Variants in ADAMTSL1 observed in about 807,000 individuals in gnomAD.
The protein encoded by ADAMTSL1 is ADAMTS like 1.
A neutral mutation model predicts 201.8 loss-of-function variants in ADAMTSL1; 126 were observed. That is an observed-to-expected ratio of 0.62 (90% CI 0.54 to 0.72). The LOEUF (loss-of-function observed/expected upper bound fraction) is 0.72, where lower values mean the gene tolerates loss of function less well. Among genes scored for constraint, ADAMTSL1 ranks in the 30% least tolerant of loss-of-function variants. The pLI is 0.00. For missense variants in ADAMTSL1, 2,679 were observed against 2,277.8 expected (o/e 1.18, Z -3.59); for synonymous variants, 1,121 against 903.4 (o/e 1.24, Z -4.32).
chr9:18,319,411 C>T (rs1184269707), intron 2 of ADAMTSL1, among the ~76,000 whole-genome samples: 1 of 152,116 alleles, frequency 6.6e-6, no homozygotes, highest in Admixed American at 6.5e-5. Flanking sequence ...TGTAATCATC[C>T]TGTTATTATC....
chr9:18,216,605 A>G lies in ADAMTSL1; in HGVS notation c.207+52624A>G, dbSNP rs149352759. On this transcript the variant is annotated intron_variant, in intron 2 of 29. Transcript: ENST00000680146. ...AGCCAGCATAAGCCAGCCCTTACAT[A>G]ACAGATTTGGGCACGCAGCAGTGAC... Among the ~76,000 whole-genome samples, 89 of 151,438 alleles carry G rather than the reference A, an allele frequency of 5.9e-4. No individual in the cohort carries two copies. The Middle Eastern group carries it at 0.018, about 30-fold the overall frequency.
chr9:18,533,430 T>A, intron 3 of ADAMTSL1, 138 bp downstream of exon 3: 1 of 519,218 alleles, frequency 1.9e-6, no homozygotes, highest in East Asian at 3.3e-5. Context: ...ACTGATTATA[T>A]GCAGGACTAA....
At chr9:18,277,010 G>A (rs1587451419) in intron 2 of ADAMTSL1, among the ~76,000 whole-genome samples, 1 of 152,120 alleles carries the variant, frequency 6.6e-6, no homozygotes, top group East Asian at 1.9e-4. Context: ...TGACCGATTG[G>A]CTATTCAAGA....
intron 2 of ADAMTSL1, among the ~76,000 whole-genome samples, chr9:18,243,555 T>C (rs928736589): frequency 6.6e-6 from 1 of 152,024 alleles, no homozygotes; most frequent in Non-Finnish European, 1.5e-5. Flanking sequence ...CTGCTTGCTT[T>C]GTTTTTGCTG....
At chr9:18,439,847 A>G (rs1819920648) in intron 2 of ADAMTSL1, among the ~76,000 whole-genome samples, 5 of 152,218 alleles carry the variant, frequency 3.3e-5, no homozygotes, top group Admixed American at 6.5e-5. Context: ...CGTTTGATAG[A>G]TGACAAAAGG....
intron 2 of ADAMTSL1, among the ~76,000 whole-genome samples, chr9:18,289,713 C>A (rs73643220): frequency 6.6e-6 from 1 of 152,094 alleles, no homozygotes. Context: ...TTTTCCTGAG[C>A]TCTTTCCTCA....
chr9:18,893,547 A>G (rs920564596), intron 26 of ADAMTSL1, among the ~76,000 whole-genome samples: 8 of 152,192 alleles, frequency 5.3e-5, no homozygotes, highest in African/African-American at 1.9e-4. Context: ...CTAATATGGT[A>G]GGTCTGAGGT....
chr9:18,678,355 T>C (rs777241695), intron 10 of ADAMTSL1, among the ~76,000 whole-genome samples: 4 of 152,178 alleles, frequency 2.6e-5, no homozygotes, highest in African/African-American at 7.2e-5. Context: ...CTCTCAGCTT[T>C]TGTTACGCTT....
chr9:18,576,452 G>C (rs1187588452), intron 4 of ADAMTSL1, among the ~76,000 whole-genome samples: 1 of 152,146 alleles, frequency 6.6e-6, no homozygotes, highest in African/African-American at 2.4e-5. Context: ...ATAGAAATTT[G>C]TCATTCATAT....
intron 2 of ADAMTSL1, among the ~76,000 whole-genome samples, chr9:18,510,367 A>G (rs564681725): frequency 1.1e-4 from 17 of 152,204 alleles, no homozygotes; most frequent in African/African-American, 4.1e-4. Flanking sequence ...TTCTAGAAAA[A>G]AATTCAATGG....
chr9:18,201,939 A>C (rs1342720317), intron 2 of ADAMTSL1, among the ~76,000 whole-genome samples: 1 of 152,170 alleles, frequency 6.6e-6, no homozygotes, highest in African/African-American at 2.4e-5. Flanking sequence ...ATCACCACTG[A>C]ATTTGGCCTT....
At chr9:18,016,339 G>A (rs1369361474) in intron 1 of ADAMTSL1, among the ~76,000 whole-genome samples, 1 of 152,020 alleles carries the variant, frequency 6.6e-6, no homozygotes, top group Non-Finnish European at 1.5e-5. Context: ...GGGTCAAGTG[G>A]CCCCTCTTCT....
chr9:18,525,627 G>C (rs780034105), intron 2 of ADAMTSL1, among the ~76,000 whole-genome samples: 3 of 152,180 alleles, frequency 2.0e-5, no homozygotes, highest in Non-Finnish European at 2.9e-5. Context: ...GTGTCCCAGA[G>C]ATTCTGGTAT....
chr9:18,356,579 T>G (rs986828856), intron 2 of ADAMTSL1, among the ~76,000 whole-genome samples: 2 of 141,000 alleles, frequency 1.4e-5, no homozygotes, highest in Non-Finnish European at 3.1e-5. Flanking sequence ...TAAAAAATTT[T>G]ATGCAGCTAC....
chr9:18,574,360 C>A, intron 4 of ADAMTSL1, 94 bp downstream of exon 4: 1 of 1,111,002 alleles, frequency 9.0e-7, no homozygotes, highest in Non-Finnish European at 1.4e-6. Context: ...AATCACTCAT[C>A]TTTACACTTT....
intron 2 of ADAMTSL1, among the ~76,000 whole-genome samples, chr9:18,307,220 A>G (rs1030242880): frequency 1.3e-5 from 2 of 152,210 alleles, no homozygotes; most frequent in East Asian, 3.9e-4. Context: ...GAAAAAAAAT[A>G]GTACCAGCCA....
chr9:18,134,450 T>G (rs1051113404), intron 1 of ADAMTSL1, among the ~76,000 whole-genome samples: 3 of 152,166 alleles, frequency 2.0e-5, no homozygotes, highest in Admixed American at 1.3e-4. Flanking sequence ...GAGACTGACT[T>G]AGCTACAAGA....
intron 2 of ADAMTSL1, among the ~76,000 whole-genome samples, chr9:18,318,160 A>C (rs1043751602): frequency 1.3e-5 from 2 of 152,166 alleles, no homozygotes; most frequent in Admixed American, 6.5e-5. Context: ...AATGTGGGCT[A>C]TTTTTATGTT....
intron 2 of ADAMTSL1, among the ~76,000 whole-genome samples, chr9:18,175,986 A>G (rs1587231776): frequency 7.5e-6 from 1 of 133,866 alleles, no homozygotes; most frequent in East Asian, 2.4e-4. Context: ...GATTTAGGGA[A>G]GGGGCTAAGA....
Sources: gnomAD v4.1 joint callset for allele counts (sites outside exome capture counted in the v4.1 genomes callset) on GRCh38, gnomAD v4.1.1 for gene constraint, MANE v1.5 for transcripts, NCBI Gene and HGNC (gene_info 2026-07-23, HGNC 2026-07-21) for gene names.